LUZP2: variants seen among roughly 807,000 people sequenced by gnomAD.
LUZP2 encodes leucine zipper protein 2.
In LUZP2, 52 loss-of-function variants were observed where a neutral mutation model predicts 51.6. The observed-to-expected ratio is 1.01, with a 90% CI of 0.81 to 1.27. The LOEUF (loss-of-function observed/expected upper bound fraction) is 1.27. Ranked by LOEUF, LUZP2 falls within the 50% of genes most tolerant of loss-of-function variation. The probability of loss-of-function intolerance (pLI) is 0.00; values close to 1 mark genes in which losing one functional copy is unlikely to be tolerated. For synonymous variants in LUZP2, 154 were observed against 137.3 expected (o/e 1.12, Z -0.85); for missense variants, 436 against 395.4 (o/e 1.10, Z -0.87).
chr11:24,668,355 C>T (rs1590322969), intron 1 of LUZP2, among the ~76,000 whole-genome samples: 1 of 152,160 alleles, frequency 6.6e-6, no homozygotes, highest in Non-Finnish European at 1.5e-5. Flanking sequence ...GGTCAAAGAA[C>T]GTCCTTGGAA....
intron 2 of LUZP2, among the ~76,000 whole-genome samples, chr11:24,729,957 T>C (rs1284263199): frequency 6.6e-6 from 1 of 151,830 alleles, no homozygotes; most frequent in Non-Finnish European, 1.5e-5. Flanking sequence ...TATGTTATTT[T>C]TGAATGTTAC....
intron 7 of LUZP2, among the ~76,000 whole-genome samples, chr11:24,926,051 G>C (rs1854217749): frequency 6.6e-6 from 1 of 151,826 alleles, no homozygotes; most frequent in Admixed American, 6.6e-5. Context: ...CATCCAGGTT[G>C]CTGCAAATGC....
chr11:25,000,275 C>T (rs1471007482), intron 9 of LUZP2, among the ~76,000 whole-genome samples: 1 of 152,176 alleles, frequency 6.6e-6, no homozygotes, highest in African/African-American at 2.4e-5. Flanking sequence ...CCCAAGCCGG[C>T]TTCACCTCTC....
chr11:24,920,231 A>G (rs897558471), intron 7 of LUZP2, among the ~76,000 whole-genome samples: 3 of 152,010 alleles, frequency 2.0e-5, no homozygotes, highest in Non-Finnish European at 4.4e-5. Flanking sequence ...TGTTTATTGA[A>G]TAAAAACAAT....
At position 24,600,656 on chromosome 11, in the gene LUZP2, G is replaced by A. The variant is rs566109477; in HGVS notation, c.62+103351G>A. 5.3e-5 allele frequency among the ~76,000 whole-genome samples: 8 copies of A among 152,134 alleles called. No individual in the cohort carries two copies. The East Asian group carries it at 7.7e-4, about 15-fold the overall frequency. ...TAGCTCACTTCTGTTCATAAAGATCGTGATTGCTTCCTACCATTTTTAATA... is the reference window on the plus strand; with the variant it reads ...TAGCTCACTTCTGTTCATAAAGATCATGATTGCTTCCTACCATTTTTAATA... On this transcript the variant is annotated intron_variant, in intron 1 of 11. Coordinates refer to ENST00000336930, the MANE Select transcript of LUZP2 (RefSeq NM_001009909.4).
At chr11:24,991,386 G>GTA (rs1565198974) in intron 9 of LUZP2, among the ~76,000 whole-genome samples, 2 of 66,570 alleles carry the variant, frequency 3.0e-5, no homozygotes, top group Non-Finnish European at 7.1e-5. Flanking sequence ...ATGTGTGTGT[G>GTA]TGTGTGTGTG....
intron 9 of LUZP2, among the ~76,000 whole-genome samples, chr11:25,034,125 A>C (rs1285397635): frequency 6.6e-6 from 1 of 152,002 alleles, no homozygotes; most frequent in Non-Finnish European, 1.5e-5. Flanking sequence ...AGCCATCCTA[A>C]TTGGTGTGTG....
At chr11:24,842,586 C>G (rs1851069969) in intron 5 of LUZP2, among the ~76,000 whole-genome samples, 1 of 151,926 alleles carries the variant, frequency 6.6e-6, no homozygotes, top group South Asian at 2.1e-4. Flanking sequence ...AAATTGATAG[C>G]CTGCTGACAA....
At chr11:24,547,051 G>A (rs1851573250) in intron 1 of LUZP2, among the ~76,000 whole-genome samples, 1 of 151,692 alleles carries the variant, frequency 6.6e-6, no homozygotes, top group Admixed American at 6.6e-5. Context: ...GGTCTGTTCA[G>A]GGATTCTTCA....
chr11:24,999,992 C>A (rs914569076), intron 9 of LUZP2, among the ~76,000 whole-genome samples: 1 of 147,246 alleles, frequency 6.8e-6, no homozygotes, highest in African/African-American at 2.4e-5. Flanking sequence ...CTTTTATTCC[C>A]TTATTTGGCC....
rs146304694 is a variant in LUZP2 at position 24,856,922 on chromosome 11, A to C, written c.397-49069A>C. On this transcript the variant is annotated intron_variant, in intron 5 of 11. Coordinates refer to ENST00000336930, the MANE Select transcript of LUZP2 (RefSeq NM_001009909.4). ...ACATGGACACAGAGTATAGATCATC[A>C]GTAGAGACTCAGAAGGGTGGGAGGG... 5.9e-5 allele frequency among the ~76,000 whole-genome samples: 9 copies of C among 152,182 alleles called. No homozygotes were observed. In the East Asian group the frequency reaches 7.7e-4, roughly 13 times the overall value.
At chr11:24,824,084 G>GC (rs199543311) in intron 5 of LUZP2, among the ~76,000 whole-genome samples, 7,488 of 151,184 alleles carry the variant, frequency 0.05, 290 homozygotes, top group East Asian at 0.13. Context: ...TGGTACCTGG[G>GC]TGGGTGTGGT....
In LUZP2 at chr11:24,779,985, G is replaced by A. The variant is rs377012684; in HGVS notation, c.396+16677G>A. 5.9e-5 allele frequency among the ~76,000 whole-genome samples: 9 copies of A among 152,076 alleles called. 1 individual carries two copies. The highest frequency in any genetic ancestry group is 2.1e-4 in the South Asian group (1 of 4,824). On this transcript the variant is annotated intron_variant, in intron 5 of 11. Transcript: ENST00000336930. ...GAAGAGGCAAGGGACATATTCTCCC[G>A]TAGGGCCTCTGGAGGGAGCTCAACA...
At chr11:24,733,606 C>G (rs951393405) in intron 3 of LUZP2, among the ~76,000 whole-genome samples, 4 of 151,478 alleles carry the variant, frequency 2.6e-5, no homozygotes, top group Non-Finnish European at 3.0e-5. Context: ...GTGGTGATTA[C>G]CAGGGTCAGA....
chr11:24,877,262 A>AGTCTTG (rs1852301743), intron 5 of LUZP2, among the ~76,000 whole-genome samples: 1 of 152,112 alleles, frequency 6.6e-6, no homozygotes. Flanking sequence ...TCAAGTAAAC[A>AGTCTTG]GTCTTGTATT....
chr11:24,637,603 G>A (rs937713118), intron 1 of LUZP2, among the ~76,000 whole-genome samples: 2 of 151,710 alleles, frequency 1.3e-5, no homozygotes, highest in African/African-American at 4.9e-5. Context: ...TGCATTCCTG[G>A]GGGGCGGTCT....
In LUZP2 at chr11:24,932,198, T is replaced by C. The variant is rs907570950; in HGVS notation, c.522+17660T>C. Among the ~76,000 whole-genome samples, 8 of 152,276 alleles carry C rather than the reference T, an allele frequency of 5.3e-5. No homozygotes were observed. In the East Asian group the frequency reaches 1.4e-3, roughly 26 times the overall value. Reference sequence around the variant, plus strand: ...TGGATTCTGTGAGGGTTCTTGGTTATAGTTTTGTTTATTACACTGGTTTTG... The same window carrying C: ...TGGATTCTGTGAGGGTTCTTGGTTACAGTTTTGTTTATTACACTGGTTTTG... On this transcript the variant is annotated intron_variant, in intron 7 of 11. Transcript: ENST00000336930.
chr11:24,553,424 A>G (rs1325125776), intron 1 of LUZP2, among the ~76,000 whole-genome samples: 2 of 152,118 alleles, frequency 1.3e-5, no homozygotes, highest in Non-Finnish European at 2.9e-5. Flanking sequence ...AAAAGCTGAA[A>G]AAAAGGCTAA....
At chr11:24,822,540 C>T (rs1458431548) in intron 5 of LUZP2, among the ~76,000 whole-genome samples, 3 of 152,066 alleles carry the variant, frequency 2.0e-5, no homozygotes, top group Non-Finnish European at 4.4e-5. Context: ...AATGTCATTA[C>T]ACATTTCCCC....
Sources: gnomAD v4.1 joint callset for allele counts (sites outside exome capture counted in the v4.1 genomes callset) on GRCh38, gnomAD v4.1.1 for gene constraint, MANE v1.5 for transcripts, NCBI Gene and HGNC (gene_info 2026-07-23, HGNC 2026-07-21) for gene names.